COL4A2: variants seen among roughly 807,000 people sequenced by gnomAD.
COL4A2 encodes collagen type IV alpha 2 chain.
Under a neutral mutation model 200.2 loss-of-function variants are expected in COL4A2, and 99 were observed. That is an observed-to-expected ratio of 0.49 (90% CI 0.42 to 0.58). COL4A2 has a LOEUF of 0.58. COL4A2 is among the 20% of genes least tolerant of loss of function. COL4A2 has a pLI of 0.00. For synonymous variants in COL4A2, 897 were observed against 900.6 expected (o/e 1.00, Z 0.07); for missense variants, 1,950 against 2,314.1 (o/e 0.84, Z 3.23).
intron 4 of COL4A2, among the ~76,000 whole-genome samples, chr13:110,414,571 C>CAA (rs1374820965): frequency 6.6e-6 from 1 of 152,224 alleles, no homozygotes; most frequent in Non-Finnish European, 1.5e-5. Context: ...AGGTGACTCT[C>CAA]ACGCTGCCGA....
At chr13:110,446,902 A>T (rs555945904) in intron 18 of COL4A2, 38 bp downstream of exon 18, 2 of 1,549,830 alleles carry the variant, frequency 1.3e-6, no homozygotes, top group African/African-American at 2.7e-5. Flanking sequence ...TCAGCATCGC[A>T]TACACATTCT....
intron 12 of COL4A2, among the ~76,000 whole-genome samples, chr13:110,435,701 C>T (rs377739630): frequency 2.0e-5 from 3 of 152,214 alleles, no homozygotes; most frequent in East Asian, 1.9e-4. Context: ...GCAAGGATAA[C>T]GGTCCAGTAA....
chr13:110,389,636 T>C lies in COL4A2; in HGVS notation c.180+32084T>C, dbSNP rs552026416. Among the ~76,000 whole-genome samples the C allele has an allele frequency of 8.7e-4, 132 of 152,326 alleles. 1 individual carries two copies. Among genetic ancestry groups the C allele is most frequent in the African/African-American group, 3.0e-3 (123 of 41,584 alleles). On this transcript the variant is annotated intron_variant, in intron 4 of 47. Transcript: ENST00000360467. ...GATGGACATCAAATCGACTGTAGGC[T>C]GTGCTCCTCTGTGCACTCTCACGAG...
intron 4 of COL4A2, among the ~76,000 whole-genome samples, chr13:110,387,071 C>G (rs1413807671): frequency 6.6e-6 from 1 of 152,154 alleles, no homozygotes; most frequent in African/African-American, 2.4e-5. Flanking sequence ...AACCCCGTCT[C>G]TACTAAAAAT....
chr13:110,503,979 C>T lies in COL4A2; in HGVS notation c.4271C>T (p.Pro1424Leu), dbSNP rs200966050. The change falls in exon 44 of 48, where the codon CCC becomes CTC. Residue 1424 changes from proline to leucine, a missense_variant. By Grantham distance (98) the Pro-to-Leu change is moderately conservative. Coordinates refer to ENST00000360467, the MANE Select transcript of COL4A2 (RefSeq NM_001846.4). The part of the protein sequence containing the change: ...GAPGEMGPQG[P>L]PGEPGFRGAP... ...CCGGGGGAGATGGGGCCCCAGGGCC[C>T]CCCCGGAGAACCAGGTAGAGTGCTG... 7 of 1,558,130 alleles carry T rather than the reference C, an allele frequency of 4.5e-6. No homozygotes were observed. In the East Asian group the frequency reaches 6.7e-5, roughly 15 times the overall value.
intron 3 of COL4A2, among the ~76,000 whole-genome samples, chr13:110,312,735 C>T (rs1885018977): frequency 6.6e-6 from 1 of 152,236 alleles, no homozygotes. Context: ...CTGCAACCCC[C>T]AGCCTTGGCT....
intron 29 of COL4A2, among the ~76,000 whole-genome samples, chr13:110,474,571 C>T (rs1454718099): frequency 2.2e-5 from 3 of 136,456 alleles, no homozygotes; most frequent in African/African-American, 5.4e-5. Flanking sequence ...CACACACACA[C>T]ATTCACGGTC....
chr13:110,493,343 G>T, intron 39 of COL4A2, 61 bp downstream of exon 39: 1 of 1,552,950 alleles, frequency 6.4e-7, no homozygotes, highest in Admixed American at 1.7e-5. Context: ...GGGACTCTGT[G>T]CTGAGTCTGC....
chr13:110,438,755 C>G (rs1402273438), intron 15 of COL4A2, 87 bp downstream of exon 15: 2 of 1,554,494 alleles, frequency 1.3e-6, no homozygotes, highest in East Asian at 4.5e-5. Context: ...TTCAGATTCA[C>G]AGCAAAATTT....
At chr13:110,389,233 G>T (rs985779673) in intron 4 of COL4A2, among the ~76,000 whole-genome samples, 1 of 152,232 alleles carries the variant, frequency 6.6e-6, no homozygotes, top group Non-Finnish European at 1.5e-5. Flanking sequence ...CCCGGCCAAA[G>T]ATCACATCGC....
At chr13:110,484,767 G>T in intron 32 of COL4A2, 138 bp from the exon 33 acceptor site, 2 of 1,257,118 alleles carry the variant, frequency 1.6e-6, no homozygotes, top group South Asian at 2.2e-5. Flanking sequence ...AGGCTTCTCC[G>T]GCGCCCTTGG....
rs528519990 is a variant in COL4A2, at chr13:110,313,276, T to G, written c.99+5153T>G. Among the ~76,000 whole-genome samples the G allele has an allele frequency of 1.2e-3, 180 of 152,282 alleles. 2 individuals are homozygous for G. Among genetic ancestry groups the G allele is most frequent in the East Asian group, 6.6e-3 (34 of 5,180 alleles). Reference sequence around the variant, plus strand: ...CTGTCAGGACAGGTGACGGCCTAAGTGACTCACTGCTCTTGATTTCATTGG... The same window carrying G: ...CTGTCAGGACAGGTGACGGCCTAAGGGACTCACTGCTCTTGATTTCATTGG... On this transcript the variant is annotated intron_variant, in intron 3 of 47. Transcript: ENST00000360467.
At chr13:110,441,302 A>G (rs1881115932) in intron 16 of COL4A2, among the ~76,000 whole-genome samples, 1 of 152,294 alleles carries the variant, frequency 6.6e-6, no homozygotes, top group African/African-American at 2.4e-5. Context: ...TTCCAGGACC[A>G]CAGATGGACC....
At chr13:110,457,578 G>A in intron 21 of COL4A2, 143 bp downstream of exon 21, 1 of 708,238 alleles carries the variant, frequency 1.4e-6, no homozygotes, top group Non-Finnish European at 2.6e-6. Context: ...CTGTCCCCTT[G>A]GCGGTGGCAC....
At chr13:110,419,123 G>T (rs1277219805) in intron 4 of COL4A2, among the ~76,000 whole-genome samples, 1 of 152,230 alleles carries the variant, frequency 6.6e-6, no homozygotes, top group East Asian at 1.9e-4. Flanking sequence ...GGAACACACT[G>T]CGGAAGGGAG....
At chr13:110,350,690 G>A (rs1317520338) in intron 3 of COL4A2, among the ~76,000 whole-genome samples, 2 of 152,180 alleles carry the variant, frequency 1.3e-5, no homozygotes, top group Non-Finnish European at 2.9e-5. Flanking sequence ...CTAGTGTAGG[G>A]CTTTGCAAAC....
intron 45 of COL4A2, 150 bp from the exon 46 acceptor site, chr13:110,506,265 T>C (rs1883865822): frequency 1.2e-6 from 1 of 808,998 alleles, no homozygotes; most frequent in South Asian, 1.9e-5. Flanking sequence ...CCACTCTCTC[T>C]CTCTCTCTCT....
chr13:110,353,887 G>A (rs1178709550), intron 3 of COL4A2, among the ~76,000 whole-genome samples: 1 of 152,186 alleles, frequency 6.6e-6, no homozygotes, highest in Admixed American at 6.5e-5. Flanking sequence ...TCACAATATA[G>A]CACTGGAGCC....
intron 4 of COL4A2, among the ~76,000 whole-genome samples, chr13:110,363,752 T>G (rs952384895): frequency 2.0e-5 from 3 of 152,190 alleles, no homozygotes; most frequent in African/African-American, 4.8e-5. Context: ...TACCCTTCCA[T>G]GTAGATAGCC....
Sources: allele counts gnomAD v4.1 joint callset (sites outside exome capture counted in the v4.1 genomes callset), GRCh38; gene constraint gnomAD v4.1.1; transcripts MANE v1.5; gene names NCBI Gene and HGNC (gene_info 2026-07-23, HGNC 2026-07-21).